Variants in TRHDE observed in about 807,000 individuals in gnomAD.
TRHDE encodes thyrotropin releasing hormone degrading enzyme, also known as thyrotropin-releasing hormone-degrading ectoenzyme.
Under a neutral mutation model 125.7 loss-of-function variants are expected in TRHDE, and 72 were observed. The ratio of observed to expected loss-of-function variants is 0.57; its 90% CI spans 0.47 to 0.70. The LOEUF (loss-of-function observed/expected upper bound fraction) is 0.70. Ranked by LOEUF, TRHDE falls within the 30% of genes least tolerant of loss-of-function variation. The pLI, the probability that TRHDE is intolerant of heterozygous loss-of-function variation, is 0.00. For missense variants in TRHDE, 1,110 were observed against 1,327.1 expected (o/e 0.84, Z 2.54); for synonymous variants, 509 against 509.1 (o/e 1.00, Z 0.00).
chr12:72,163,935 AACCCTGTCTCTGGT>A (rs1415237249), intron 2 of TRHDE, among the ~76,000 whole-genome samples: 1 of 152,062 alleles, frequency 6.6e-6, no homozygotes, highest in Non-Finnish European at 1.5e-5. Flanking sequence ...AACATGGTGA[AACCCTGTCTCTGGT>A]AAAAATACAA....
At chr12:72,113,073 AGTGGTGTGATCAT>A (rs1381900070) in intron 2 of TRHDE, among the ~76,000 whole-genome samples, 1 of 152,136 alleles carries the variant, frequency 6.6e-6, no homozygotes, top group East Asian at 1.9e-4. Context: ...GCTGGAGAGC[AGTGGTGTGATCAT>A]GGTTCACTGC....
At chr12:72,124,277 C>T (rs1330002096) in intron 2 of TRHDE, among the ~76,000 whole-genome samples, 1 of 152,148 alleles carries the variant, frequency 6.6e-6, no homozygotes, top group African/African-American at 2.4e-5. Flanking sequence ...TTTTCCAGGC[C>T]TTCTTCTAGG....
intron 3 of TRHDE, among the ~76,000 whole-genome samples, chr12:72,381,435 G>A (rs941549307): frequency 4.8e-5 from 7 of 145,638 alleles, no homozygotes; most frequent in African/African-American, 1.3e-4. Flanking sequence ...TCGCTCTGTC[G>A]CCCAGGCTGG....
At chr12:72,311,542 A>G (rs866790449) in intron 2 of TRHDE, among the ~76,000 whole-genome samples, 1 of 152,334 alleles carries the variant, frequency 6.6e-6, no homozygotes, top group African/African-American at 2.4e-5. Flanking sequence ...TTCACTTGCC[A>G]TTCAGTAAAT....
chr12:72,471,899 T>C (rs1490139607), intron 4 of TRHDE, among the ~76,000 whole-genome samples: 2 of 152,180 alleles, frequency 1.3e-5, no homozygotes, highest in African/African-American at 2.4e-5. Context: ...TTCCTCCTCC[T>C]GGTCCACTAT....
At chr12:72,576,405 C>T (rs1390980327) in intron 12 of TRHDE, among the ~76,000 whole-genome samples, 1 of 151,996 alleles carries the variant, frequency 6.6e-6, no homozygotes, top group Non-Finnish European at 1.5e-5. Context: ...GGACCTGAAA[C>T]TGCTTTTACA....
In TRHDE at chr12:72,364,025, C is replaced by T. The variant is rs1871237059; in HGVS notation, c.1189-13970C>T. Among the ~76,000 whole-genome samples the T allele has an allele frequency of 1.3e-5, 2 of 152,002 alleles. 1 individual carries two copies. Among genetic ancestry groups the T allele is most frequent in the South Asian group, 4.2e-4 (2 of 4,816 alleles). ...ATGAGTGAACTCCCATTCACAATTGCTTCAAAGAGAATAAAATAGCTAGGA... is the reference window on the plus strand; with the variant it reads ...ATGAGTGAACTCCCATTCACAATTGTTTCAAAGAGAATAAAATAGCTAGGA... On this transcript the variant is annotated intron_variant, in intron 2 of 18. Coordinates refer to ENST00000261180, the MANE Select transcript of TRHDE (RefSeq NM_013381.3).
chr12:72,440,633 C>A (rs1874962688), intron 3 of TRHDE, among the ~76,000 whole-genome samples: 1 of 151,794 alleles, frequency 6.6e-6, no homozygotes, highest in Non-Finnish European at 1.5e-5. Context: ...CATACTTTGA[C>A]AAAAACAGTA....
chr12:72,443,212 G>A (rs1156412795), intron 3 of TRHDE, among the ~76,000 whole-genome samples: 1 of 151,392 alleles, frequency 6.6e-6, no homozygotes, highest in African/African-American at 2.4e-5. Context: ...GTGTGTGTGT[G>A]TGTGTGTGTG....
intron 1 of TRHDE, among the ~76,000 whole-genome samples, chr12:72,089,057 C>T (rs900711842): frequency 2.0e-5 from 3 of 152,088 alleles, no homozygotes; most frequent in African/African-American, 7.2e-5. Flanking sequence ...TACCCATTGC[C>T]TTCCCTATCT....
At chr12:72,600,337 G>T (rs1270383840) in intron 12 of TRHDE, among the ~76,000 whole-genome samples, 6 of 151,994 alleles carry the variant, frequency 3.9e-5, no homozygotes, top group Non-Finnish European at 8.8e-5. Flanking sequence ...TCTGTAGATT[G>T]CTTTGGACAA....
At chr12:72,194,295 T>C (rs993037734) in intron 2 of TRHDE, among the ~76,000 whole-genome samples, 1 of 152,108 alleles carries the variant, frequency 6.6e-6, no homozygotes, top group Non-Finnish European at 1.5e-5. Context: ...AACTTTGTTG[T>C]CATTGTCACT....
rs149302979 is a variant in TRHDE at position 72,234,392 on chromosome 12, T to A, written n.279+128640T>A. Among the ~76,000 whole-genome samples the A allele has an allele frequency of 1.1e-4, 16 of 152,208 alleles. No homozygotes were observed. The East Asian group carries it at 2.9e-3, about 28-fold the overall frequency. ...TTCTTTTCTCAGTCAAGCAGGGAAA[T>A]TAGGGTTATTTTCATGTAAAAGATG... On this transcript the variant is annotated intron_variant and non_coding_transcript_variant, in intron 2 of 4. Transcript: ENST00000548156.
At chr12:72,468,277 T>G (rs1876478886) in intron 3 of TRHDE, among the ~76,000 whole-genome samples, 1 of 152,212 alleles carries the variant, frequency 6.6e-6, no homozygotes, top group South Asian at 2.1e-4. Context: ...TCCTCGACAT[T>G]GTCTTTCTCA....
chr12:72,644,103 G>A (rs1874180473), intron 15 of TRHDE, among the ~76,000 whole-genome samples: 1 of 152,088 alleles, frequency 6.6e-6, no homozygotes, highest in African/African-American at 2.4e-5. Flanking sequence ...AACAATTTAT[G>A]GGCATATTCC....
At chr12:72,413,958 T>A (rs1287140994) in intron 3 of TRHDE, among the ~76,000 whole-genome samples, 1 of 152,118 alleles carries the variant, frequency 6.6e-6, no homozygotes, top group Non-Finnish European at 1.5e-5. Flanking sequence ...ATGAGATAAG[T>A]ATGCTAGCTC....
At chr12:72,287,564 A>G (rs141940611) in intron 2 of TRHDE, among the ~76,000 whole-genome samples, 35 of 142,390 alleles carry the variant, frequency 2.5e-4, no homozygotes, top group Middle Eastern at 3.8e-3. Flanking sequence ...CGATTATTTC[A>G]TATCTATGTA....
At chr12:72,243,673 G>A (rs182554974) in intron 2 of TRHDE, among the ~76,000 whole-genome samples, 23 of 152,232 alleles carry the variant, frequency 1.5e-4, no homozygotes, top group East Asian at 9.6e-4. Flanking sequence ...TAACAGCACT[G>A]CTTTTGAGAA....
intron 2 of TRHDE, among the ~76,000 whole-genome samples, chr12:72,109,442 T>C (rs1875265959): frequency 6.6e-6 from 1 of 152,210 alleles, no homozygotes; most frequent in Non-Finnish European, 1.5e-5. Flanking sequence ...ACTAAAAATA[T>C]ATATGCGACT....
Sources: gnomAD v4.1 joint callset for allele counts (sites outside exome capture counted in the v4.1 genomes callset) on GRCh38, gnomAD v4.1.1 for gene constraint, MANE v1.5 for transcripts, NCBI Gene and HGNC (gene_info 2026-07-23, HGNC 2026-07-21) for gene names.